Variants in ZNF185 observed in about 807,000 individuals in gnomAD.
ZNF185 encodes zinc finger protein 185 with LIM domain.
A neutral mutation model predicts 58.6 loss-of-function variants in ZNF185; 56 were observed. The observed-to-expected ratio is 0.95, with a 90% CI of 0.77 to 1.19. The LOEUF (loss-of-function observed/expected upper bound fraction) is 1.19. Among genes scored for constraint, ZNF185 ranks in the 50% most tolerant of loss-of-function variants. ZNF185 has a pLI of 0.00. For synonymous variants in ZNF185, 230 were observed against 215.9 expected (o/e 1.07, Z -0.57); for missense variants, 627 against 573.5 (o/e 1.09, Z -0.95).
intron 15 of ZNF185, among the ~76,000 whole-genome samples, chrX:152,938,904 TCTA>T (rs2046770531): frequency 1.2e-5 from 1 of 83,451 alleles, no homozygotes; most frequent in Non-Finnish European, 2.3e-5. Context: ...GGCGATCTCC[TCTA>T]AAGAGGAGAA....
At chrX:152,918,104 C>A in exon 6 of ZNF185, 1 of 1,195,701 alleles carries the variant, frequency 8.4e-7, no homozygotes. Flanking sequence ...CTGGTCCTCC[C>A]CGCCCCTCCT....
intron 15 of ZNF185, chrX:152,941,761 C>T: frequency 8.6e-7 from 1 of 1,164,218 alleles, no homozygotes; most frequent in Non-Finnish European, 1.1e-6. Flanking sequence ...GAGGCCATGC[C>T]CGTGCCGGCC....
At chrX:152,945,573 T>C in intron 16 of ZNF185, 109 bp downstream of exon 18, 2 of 872,382 alleles carry the variant, frequency 2.3e-6, no homozygotes, top group Non-Finnish European at 3.1e-6. Context: ...ACCCGACACA[T>C]TGCACACCCA....
At chrX:152,899,829 G>A in the ZNF185 span, among the ~76,000 whole-genome samples, 103 of 111,766 alleles carry the variant, frequency 9.2e-4, no homozygotes, top group African/African-American at 3.3e-3. Context: ...GTCAAGGCCC[G>A]CACGTCCTTT....
intron 16 of ZNF185, among the ~76,000 whole-genome samples, chrX:152,953,402 A>G (rs1347811255): frequency 8.9e-6 from 1 of 112,120 alleles, no homozygotes; most frequent in Non-Finnish European, 1.9e-5. Flanking sequence ...AATAAAAGCA[A>G]ATACCGTCTC....
intron 15 of ZNF185, among the ~76,000 whole-genome samples, chrX:152,939,420 G>T (rs1452977666): frequency 2.7e-5 from 3 of 112,060 alleles, no homozygotes; most frequent in Non-Finnish European, 5.6e-5. Context: ...AAGTGACTTA[G>T]CCAAGGCCTT....
chrX:152,945,472 C>G lies in ZNF185; in HGVS notation c.1409+8C>G, dbSNP rs1398024405. On this transcript the variant is annotated splice_region_variant and intron_variant, in intron 16 of 22. Coordinates refer to ENST00000449285, the Ensembl canonical transcript of ZNF185. ...AGAGAGTTGTGGCAGCAGGTAAGGG[C>G]TGAGCTGCAGTGGGCTCTGCCTCTG... The G allele has an allele frequency of 5.0e-6, 6 of 1,189,498 alleles. No homozygotes were observed. The highest frequency in any genetic ancestry group is 6.8e-6 in the Non-Finnish European group (6 of 884,163).
chrX:152,953,566 G>A (rs960617605), intron 16 of ZNF185, among the ~76,000 whole-genome samples: 2 of 110,843 alleles, frequency 1.8e-5, no homozygotes, highest in South Asian at 3.9e-4. Context: ...GCATGGTGGT[G>A]TGTGCCTATA....
chrX:152,920,596 C>A (rs1939498902), intron 8 of ZNF185, 111 bp from the exon 10 acceptor site: 2 of 1,047,043 alleles, frequency 1.9e-6, no homozygotes, highest in East Asian at 6.1e-5. Flanking sequence ...CCACCAGGGA[C>A]AGTGAAGTGC....
At chrX:152,931,337 C>A (rs1450657842) in intron 12 of ZNF185, among the ~76,000 whole-genome samples, 1 of 112,532 alleles carries the variant, frequency 8.9e-6, no homozygotes, top group Non-Finnish European at 1.9e-5. Flanking sequence ...TGCAGTGGTG[C>A]CATCACAGCT....
chrX:152,960,494 T>C (rs1169641627), intron 17 of ZNF185, among the ~76,000 whole-genome samples: 1 of 112,220 alleles, frequency 8.9e-6, no homozygotes, highest in Non-Finnish European at 1.9e-5. Context: ...CACCAGATGC[T>C]TGTGCTTTTC....
At chrX:152,939,418 T>G (rs782218891) in intron 15 of ZNF185, among the ~76,000 whole-genome samples, 33 of 112,084 alleles carry the variant, frequency 2.9e-4, no homozygotes, top group African/African-American at 1.0e-3. Flanking sequence ...TTAAGTGACT[T>G]AGCCAAGGCC....
the ZNF185 span, among the ~76,000 whole-genome samples, chrX:152,905,417 T>C: frequency 8.9e-6 from 1 of 112,132 alleles, no homozygotes; most frequent in Non-Finnish European, 1.9e-5. Context: ...GACCGCCCTG[T>C]TCCTGGGGCA....
intron 21 of ZNF185, among the ~76,000 whole-genome samples, 166 bp downstream of exon 23, chrX:152,969,650 G>A (rs1240728501): frequency 8.9e-6 from 1 of 112,321 alleles, no homozygotes; most frequent in African/African-American, 3.2e-5. Context: ...ACAACTGGGA[G>A]CTGAATGAGC....
the ZNF185 span, among the ~76,000 whole-genome samples, chrX:152,898,314 G>C: frequency 8.9e-6 from 1 of 112,496 alleles, no homozygotes; most frequent in Admixed American, 9.2e-5. Context: ...GCCCAGCTGG[G>C]GACAAGTCAG....
At chrX:152,944,113 G>A (rs782220547) in intron 15 of ZNF185, among the ~76,000 whole-genome samples, 1 of 113,161 alleles carries the variant, frequency 8.8e-6, no homozygotes, top group Non-Finnish European at 1.9e-5. Context: ...TGGTGCAGCT[G>A]GAGGTGGCAA....
intron 15 of ZNF185, among the ~76,000 whole-genome samples, chrX:152,943,047 C>G (rs1426215622): frequency 2.7e-5 from 3 of 111,627 alleles, no homozygotes; most frequent in African/African-American, 9.8e-5. Context: ...TCTGTCGCCC[C>G]AGACTGGAGT....
intron 16 of ZNF185, among the ~76,000 whole-genome samples, chrX:152,954,345 C>A (rs1603297717): frequency 9.0e-6 from 1 of 111,023 alleles, no homozygotes; most frequent in Non-Finnish European, 1.9e-5. Flanking sequence ...CAGGAGCAAG[C>A]AAAATTCAGG....
upstream of ZNF185, among the ~76,000 whole-genome samples, chrX:152,913,320 C>T (rs782102523): frequency 8.0e-5 from 9 of 112,570 alleles, no homozygotes; most frequent in South Asian, 3.0e-3. Context: ...TGTGGCCACT[C>T]AGGGCTCCCT....
Sources: allele counts gnomAD v4.1 joint callset (sites outside exome capture counted in the v4.1 genomes callset), GRCh38; gene constraint gnomAD v4.1.1; transcripts MANE v1.5; gene names NCBI Gene and HGNC (gene_info 2026-07-23, HGNC 2026-07-21).